Variants in VDR observed in about 807,000 individuals in gnomAD.
VDR encodes the protein vitamin D3 receptor.
A neutral mutation model predicts 39.7 loss-of-function variants in VDR; 19 were observed. That is an observed-to-expected ratio of 0.48 (90% CI 0.33 to 0.70). VDR has a LOEUF of 0.70. Ranked by LOEUF, VDR falls within the 30% of genes least tolerant of loss-of-function variation. VDR has a pLI of 0.02. For synonymous variants in VDR, 242 were observed against 215.8 expected (o/e 1.12, Z -1.07); for missense variants, 442 against 570.5 (o/e 0.77, Z 2.29).
intron 1 of VDR, chr12:47,899,879 A>C: frequency 1.0e-6 from 1 of 981,992 alleles, no homozygotes; most frequent in South Asian, 4.7e-5. Flanking sequence ...AAGCAAAGCA[A>C]TGTGCACGGG....
chr12:47,859,904 T>C (rs1945580974), intron 4 of VDR, among the ~76,000 whole-genome samples: 1 of 43,734 alleles, frequency 2.3e-5, no homozygotes, highest in Non-Finnish European at 4.2e-5. Flanking sequence ...CTTCCTTCCT[T>C]CCTTCCTTCC....
At chr12:47,882,831 G>A (rs1592140466) in intron 1 of VDR, 57 bp from the exon 2 acceptor site, 2 of 1,412,334 alleles carry the variant, frequency 1.4e-6, no homozygotes. Context: ...CGCCTCCCCA[G>A]TCTCTAAGGA....
At chr12:47,874,325 G>C (rs903572670) in intron 3 of VDR, among the ~76,000 whole-genome samples, 2 of 152,208 alleles carry the variant, frequency 1.3e-5, no homozygotes, top group Admixed American at 6.5e-5. Flanking sequence ...CTGTGTGGCT[G>C]TTCCTCCCTT....
chr12:47,880,124 T>C (rs779724985), intron 2 of VDR, among the ~76,000 whole-genome samples: 1 of 152,150 alleles, frequency 6.6e-6, no homozygotes, highest in South Asian at 2.1e-4. Context: ...CCCAATTTTA[T>C]CTGAATCCTC....
rs747349160 is a variant in VDR, at chr12:47,846,449, C to T, written c.910G>A (p.Gly304Arg). 4 of 1,563,618 alleles carry T rather than the reference C, an allele frequency of 2.6e-6. No homozygotes were observed. The highest frequency in any genetic ancestry group is 1.9e-5 in the Admixed American group (1 of 52,222). ...KYRVSDVTKA[G>R]HSLELIEPLI... ...GGCTCAATCAGCTCCAGGCTGTGTC[C>T]GGCTGTGAGAGACAATGGCCAGGTA... Residue 304 changes from glycine (G) to arginine (R), a missense_variant and splice_region_variant, in exon 9 of 10, where the codon GGA becomes AGA. By Grantham distance (125) the Gly-to-Arg change is moderately radical. This residue lies in a region of VDR where 173 missense variants were observed against 252.0 expected (regional missense o/e 0.69). Coordinates refer to ENST00000549336, the MANE Select transcript of VDR (RefSeq NM_000376.3).
intron 1 of VDR, among the ~76,000 whole-genome samples, chr12:47,894,915 G>A (rs574722818): frequency 2.6e-5 from 4 of 152,296 alleles, no homozygotes; most frequent in African/African-American, 7.2e-5. Flanking sequence ...GCATGAGGGC[G>A]GCAGGACAGG....
At chr12:47,869,961 C>A (rs1352643179) in intron 3 of VDR, among the ~76,000 whole-genome samples, 2 of 152,144 alleles carry the variant, frequency 1.3e-5, no homozygotes, top group African/African-American at 4.8e-5. Flanking sequence ...CTTGCTTCTG[C>A]TTAAGAGTTG....
At chr12:47,860,680 ATGGCT>A (rs1013066017) in intron 4 of VDR, among the ~76,000 whole-genome samples, 8 of 152,148 alleles carry the variant, frequency 5.3e-5, no homozygotes, top group Admixed American at 1.3e-4. Flanking sequence ...CCCGCATTGC[ATGGCT>A]TGGCGTGCTG....
At chr12:47,853,411 C>T (rs1035991105) in intron 7 of VDR, among the ~76,000 whole-genome samples, 10 of 148,352 alleles carry the variant, frequency 6.7e-5, no homozygotes, top group African/African-American at 2.5e-4. Flanking sequence ...CCACTGCACT[C>T]CAGCCTAGGC....
At chr12:47,886,465 A>G (rs573682881) in intron 1 of VDR, among the ~76,000 whole-genome samples, 1 of 152,342 alleles carries the variant, frequency 6.6e-6, no homozygotes, top group South Asian at 2.1e-4. Flanking sequence ...TGTCCAGAAC[A>G]GTCTCAGTAC....
At chr12:47,886,504 G>A (rs1444872848) in intron 1 of VDR, among the ~76,000 whole-genome samples, 2 of 152,206 alleles carry the variant, frequency 1.3e-5, no homozygotes, top group Non-Finnish European at 2.9e-5. Context: ...AGAGAACAGA[G>A]TGATAATAAT....
At chr12:47,879,473 C>T (rs1946095947) in intron 2 of VDR, among the ~76,000 whole-genome samples, 1 of 152,178 alleles carries the variant, frequency 6.6e-6, no homozygotes, top group Non-Finnish European at 1.5e-5. Flanking sequence ...TGCATGAACC[C>T]ATTCATGCTA....
intron 3 of VDR, among the ~76,000 whole-genome samples, chr12:47,870,316 C>T (rs1945824650): frequency 6.6e-6 from 1 of 152,192 alleles, no homozygotes; most frequent in Non-Finnish European, 1.5e-5. Context: ...AGGTCTACAC[C>T]CTACCCTGCC....
intron 1 of VDR, among the ~76,000 whole-genome samples, chr12:47,883,917 T>C (rs1227443869): frequency 6.6e-6 from 1 of 152,174 alleles, no homozygotes. Context: ...TAGTGGACAA[T>C]GAGCCAAGAT....
In VDR at chr12:47,879,064, T is replaced by C; in HGVS notation, c.50A>G (p.Asp17Gly). Residue 17 changes from aspartate to glycine, a missense_variant, in exon 3 of 10, where the codon GAC becomes GGC. Around this residue, in one of 5 missense-constraint regions of VDR, gnomAD observed 141 missense variants for 141.3 expected, o/e 1.00. Coordinates refer to ENST00000549336, the MANE Select transcript of VDR (RefSeq NM_000376.3). The stretch of plus-strand genomic sequence containing the variant: ...CCCACAGATCCGGGGCACGTTCCGG[T>C]CAAAGTCTCCAGGGTCAGGCAGGGA... ...STSLPDPGDF[D>G]RNVPRICGVC... The C allele has an allele frequency of 1.9e-6, 3 of 1,614,096 alleles. No homozygotes were observed. The highest frequency in any genetic ancestry group is 1.1e-5 in the South Asian group (1 of 91,076).
intron 2 of VDR, among the ~76,000 whole-genome samples, chr12:47,880,452 A>G (rs1946123280): frequency 6.6e-6 from 1 of 152,158 alleles, no homozygotes; most frequent in Admixed American, 6.5e-5. Context: ...AATGAGGCCC[A>G]GAGAGGCCCA....
intron 4 of VDR, 54 bp downstream of exon 4, chr12:47,864,993 C>CCTTT: frequency 6.2e-7 from 1 of 1,608,540 alleles, no homozygotes; most frequent in Non-Finnish European, 8.5e-7. Context: ...GTGGCCAAGG[C>CCTTT]CTTTCCCTGA....
At chr12:47,853,142 A>G (rs1443654823) in intron 7 of VDR, among the ~76,000 whole-genome samples, 2 of 152,038 alleles carry the variant, frequency 1.3e-5, no homozygotes, top group African/African-American at 4.8e-5. Flanking sequence ...ATGTGTCAAT[A>G]CTCTATTGTT....
chr12:47,850,338 T>C (rs576673638), intron 7 of VDR, among the ~76,000 whole-genome samples: 1 of 152,360 alleles, frequency 6.6e-6, no homozygotes, highest in Admixed American at 6.5e-5. Flanking sequence ...CTCTAAGTTA[T>C]TGAGCCAGTC....
Sources: gnomAD v4.1 joint callset for allele counts (sites outside exome capture counted in the v4.1 genomes callset) on GRCh38, gnomAD v4.1.1 for gene constraint, gnomAD v4.1.1 regional missense constraint, MANE v1.5 for transcripts, NCBI Gene and HGNC (gene_info 2026-07-23, HGNC 2026-07-21) for gene names.